RHBDD1: variants seen among roughly 807,000 people sequenced by gnomAD.
RHBDD1 encodes rhomboid domain containing 1, also known as rhomboid-related protein 4.
Under a neutral mutation model 36.3 loss-of-function variants are expected in RHBDD1, and 38 were observed. The ratio of observed to expected loss-of-function variants is 1.05; its 90% CI spans 0.81 to 1.37. The LOEUF is 1.37. Among genes scored for constraint, RHBDD1 ranks in the 40% most tolerant of loss-of-function variants. The pLI, the probability that RHBDD1 is intolerant of heterozygous loss-of-function variation, is 0.00. For synonymous variants in RHBDD1, 151 were observed against 136.5 expected, an observed-to-expected ratio of 1.11 and a Z score of -0.74; for missense variants, 393 against 377.6, an observed-to-expected ratio of 1.04 and a Z score of -0.34.
chr2:226,881,496 A>G (rs1195605418), intron 5 of RHBDD1, among the ~76,000 whole-genome samples: 1 of 152,136 alleles, frequency 6.6e-6, no homozygotes, highest in African/African-American at 2.4e-5. Flanking sequence ...CTAATTTTAC[A>G]CACTAATTTT....
At chr2:226,980,843 T>C (rs1157867409) in intron 8 of RHBDD1, among the ~76,000 whole-genome samples, 1 of 152,244 alleles carries the variant, frequency 6.6e-6, no homozygotes, top group Non-Finnish European at 1.5e-5. Context: ...TTTCTGTTCA[T>C]AAAATGTTTT....
chr2:226,968,185 A>G (rs1489759855), intron 8 of RHBDD1, among the ~76,000 whole-genome samples: 1 of 152,240 alleles, frequency 6.6e-6, no homozygotes. Context: ...TAAGAGTTGT[A>G]TAAACTGGAA....
Position 226,906,567 on chromosome 2 carries a change from G to C in RHBDD1, c.567-226G>C, listed in dbSNP as rs1054660103. 8 of 891,154 alleles carry C rather than the reference G, an allele frequency of 9.0e-6. No homozygotes were observed. In the Admixed American group the frequency reaches 1.8e-4, roughly 20 times the overall value. 55.2% of individuals were successfully genotyped at this position (891,154 alleles called of 1,614,324 possible). A position where few individuals can be genotyped will look rare whatever the true frequency, so the allele number is the denominator to read the frequency against. ...CAACCCACTTCCCCTGGTTAAGGAG[G>C]GGTGTTGCGTTTTAAACATGTGGTG... On this transcript the variant is annotated intron_variant, in intron 5 of 8. Transcript: ENST00000392062.
chr2:226,989,516 T>C (rs1235099422), intron 8 of RHBDD1, among the ~76,000 whole-genome samples: 1 of 152,228 alleles, frequency 6.6e-6, no homozygotes, highest in African/African-American at 2.4e-5. Context: ...AATCAAGTTA[T>C]ACACTTCAAG....
chr2:226,983,568 G>C (rs1254146578), intron 8 of RHBDD1, among the ~76,000 whole-genome samples: 1 of 152,150 alleles, frequency 6.6e-6, no homozygotes. Flanking sequence ...GTTCTCAGCA[G>C]AAGTTGCCAA....
chr2:226,884,907 G>A (rs867151744), intron 5 of RHBDD1, among the ~76,000 whole-genome samples: 3 of 152,142 alleles, frequency 2.0e-5, no homozygotes, highest in Middle Eastern at 3.4e-3. Context: ...AAAAATAGTA[G>A]GCTGCTTTTG....
At chr2:226,884,018 G>A (rs1946005903) in intron 5 of RHBDD1, among the ~76,000 whole-genome samples, 1 of 151,956 alleles carries the variant, frequency 6.6e-6, no homozygotes. Flanking sequence ...TGGCCTGTTT[G>A]GAATTTTTTT....
intron 5 of RHBDD1, among the ~76,000 whole-genome samples, chr2:226,879,623 C>T (rs1212457939): frequency 1.3e-5 from 2 of 152,180 alleles, no homozygotes; most frequent in Non-Finnish European, 2.9e-5. Context: ...AAATTTAATA[C>T]ATTTTCCCAA....
intron 7 of RHBDD1, among the ~76,000 whole-genome samples, chr2:226,912,375 C>A (rs372120440): frequency 6.6e-6 from 1 of 152,094 alleles, no homozygotes; most frequent in Non-Finnish European, 1.5e-5. Context: ...AGAAATGAAA[C>A]CATATGTCCA....
At position 226,931,001 on chromosome 2, in the gene RHBDD1, G is replaced by A. The variant is rs149980743; in HGVS notation, c.856+16650G>A. On this transcript the variant is annotated intron_variant, in intron 8 of 8. Transcript: ENST00000392062. ...AAGTCAAAAAGCAATAGATGTTAGT[G>A]TGAATGTGGGGAAAAGGGAATGCTT... is the stretch of plus-strand genomic sequence containing the variant. Among the ~76,000 whole-genome samples the A allele has an allele frequency of 1.4e-3, 216 of 152,146 alleles. 2 individuals are homozygous for A. Among genetic ancestry groups the A allele is most frequent in the African/African-American group, 4.9e-3 (205 of 41,544 alleles).
intron 7 of RHBDD1, among the ~76,000 whole-genome samples, chr2:226,910,430 A>G (rs975011571): frequency 6.6e-6 from 1 of 152,170 alleles, no homozygotes; most frequent in Non-Finnish European, 1.5e-5. Context: ...ATGAGAGCAT[A>G]TGTATATCTT....
intron 6 of RHBDD1, 46 bp downstream of exon 6, chr2:226,906,927 T>C: frequency 6.3e-7 from 1 of 1,594,050 alleles, no homozygotes; most frequent in Non-Finnish European, 8.6e-7. Flanking sequence ...TGGAAGTTCA[T>C]GTTAATTTTA....
chr2:226,801,052 G>A, the RHBDD1 span, among the ~76,000 whole-genome samples: 1 of 152,238 alleles, frequency 6.6e-6, no homozygotes, highest in Non-Finnish European at 1.5e-5. Context: ...ATGTCACTCG[G>A]TTTAATGCTG....
intron 8 of RHBDD1, among the ~76,000 whole-genome samples, chr2:226,977,736 C>T (rs1165906914): frequency 6.6e-6 from 1 of 152,214 alleles, no homozygotes; most frequent in Non-Finnish European, 1.5e-5. Context: ...CAAGAGTCTT[C>T]ATTGCTAATT....
At chr2:226,801,114 G>A in the RHBDD1 span, among the ~76,000 whole-genome samples, 2 of 152,212 alleles carry the variant, frequency 1.3e-5, no homozygotes, top group Admixed American at 6.5e-5. Flanking sequence ...TACTACGCCG[G>A]GACCCTCCTC....
chr2:226,812,177 G>A, the RHBDD1 span, among the ~76,000 whole-genome samples: 5 of 152,242 alleles, frequency 3.3e-5, no homozygotes, highest in African/African-American at 1.2e-4. Flanking sequence ...GGAGTACAAG[G>A]TTACAGGCAA....
chr2:226,855,172 T>C (rs1401429998), intron 3 of RHBDD1, among the ~76,000 whole-genome samples: 1 of 152,142 alleles, frequency 6.6e-6, no homozygotes, highest in Non-Finnish European at 1.5e-5. Context: ...GGAGATGGTG[T>C]ATGAAGGAAA....
At chr2:226,867,566 G>A (rs2125259030) in intron 5 of RHBDD1, 1 of 984,492 alleles carries the variant, frequency 1.0e-6, no homozygotes, top group South Asian at 4.7e-5. Flanking sequence ...TTTTAAGTAG[G>A]AGAACCTGCT....
intron 7 of RHBDD1, among the ~76,000 whole-genome samples, chr2:226,912,562 A>T (rs1014436280): frequency 2.0e-5 from 3 of 152,198 alleles, no homozygotes; most frequent in African/African-American, 4.8e-5. Flanking sequence ...AACAAAATTG[A>T]TGAACCTGGA....
Sources: allele counts gnomAD v4.1 joint callset (sites outside exome capture counted in the v4.1 genomes callset), GRCh38; gene constraint gnomAD v4.1.1; transcripts MANE v1.5; gene names NCBI Gene and HGNC (gene_info 2026-07-23, HGNC 2026-07-21).